MYO1H: variants seen among roughly 807,000 people sequenced by gnomAD.
MYO1H encodes the protein unconventional myosin-Ih.
A neutral mutation model predicts 149.3 loss-of-function variants in MYO1H; 118 were observed. The observed-to-expected ratio is 0.79, with a 90% CI of 0.68 to 0.92. MYO1H has a LOEUF of 0.92. Among genes scored for constraint, MYO1H ranks in the 40% least tolerant of loss-of-function variants. The pLI is 0.00. For missense variants in MYO1H, 1,212 were observed against 1,280.7 expected, an observed-to-expected ratio of 0.95 and a Z score of 0.82; for synonymous variants, 447 against 465.2, an observed-to-expected ratio of 0.96 and a Z score of 0.50.
At chr12:109,399,634 A>G (rs1289737208) in intron 5 of MYO1H, among the ~76,000 whole-genome samples, 1 of 150,090 alleles carries the variant, frequency 6.7e-6, no homozygotes, top group Non-Finnish European at 1.5e-5. Context: ...TCTGAAGGCC[A>G]GGCATGGTGA....
At chr12:109,437,465 C>T (rs1369343947) in intron 22 of MYO1H, among the ~76,000 whole-genome samples, 1 of 152,132 alleles carries the variant, frequency 6.6e-6, no homozygotes, top group African/African-American at 2.4e-5. Flanking sequence ...CATAGTATTC[C>T]ACTATAGCAG....
Position 109,368,697 on chromosome 12 carries a change from T to C in MYO1H, c.13-19986T>C, listed in dbSNP as rs561141743. On this transcript the variant is annotated intron_variant, in intron 1 of 31. Transcript: ENST00000310903. Reference sequence around the variant, plus strand: ...GATAGGAAAAGATGTTAAGGATATATTGGGGTTTTTCCAACTTTTATTTTA... The same window carrying C: ...GATAGGAAAAGATGTTAAGGATATACTGGGGTTTTTCCAACTTTTATTTTA... Among the ~76,000 whole-genome samples, 182 of 149,924 alleles carry C rather than the reference T, an allele frequency of 1.2e-3. 1 individual carries two copies. The highest frequency in any genetic ancestry group is 2.5e-4 in the Non-Finnish European group (17 of 67,774).
At chr12:109,382,272 A>G (rs941393184) in intron 1 of MYO1H, among the ~76,000 whole-genome samples, 8 of 152,300 alleles carry the variant, frequency 5.3e-5, no homozygotes, top group African/African-American at 1.7e-4. Context: ...ACCAGTTTTC[A>G]GGAAATGCAG....
chr12:109,368,338 A>G (rs1226009371), intron 1 of MYO1H, among the ~76,000 whole-genome samples: 6 of 152,274 alleles, frequency 3.9e-5, no homozygotes, highest in Middle Eastern at 3.4e-3. Flanking sequence ...GTAATAAACA[A>G]TGGGACAACT....
intron 26 of MYO1H, 65 bp from the exon 27 acceptor site, chr12:109,442,151 AC>A: frequency 2.2e-6 from 3 of 1,373,142 alleles, no homozygotes; most frequent in Middle Eastern, 1.8e-4. Flanking sequence ...ACTAGCAGAT[AC>A]CAATGACTTT....
At chr12:109,377,530 C>T (rs1234256876) in intron 1 of MYO1H, among the ~76,000 whole-genome samples, 4 of 152,164 alleles carry the variant, frequency 2.6e-5, no homozygotes. Flanking sequence ...CTAGAAGGCC[C>T]CACCTCCAAC....
chr12:109,406,780 T>A lies in MYO1H; in HGVS notation c.964-9T>A. 1 of 1,613,776 alleles carries A rather than the reference T, an allele frequency of 6.2e-7. No homozygotes were observed. The highest frequency in any genetic ancestry group is 8.5e-7 in the Non-Finnish European group (1 of 1,179,662). ...ACTGAATAGCATTCTGGATTTCTTT[T>A]ACATGCAGCTCCTGGGGGTCCACCC... On this transcript the variant is annotated splice_polypyrimidine_tract_variant and intron_variant, in intron 8 of 31. Transcript: ENST00000310903.
intron 9 of MYO1H, 88 bp from the exon 10 acceptor site, chr12:109,407,706 A>ATTT: frequency 1.6e-6 from 2 of 1,256,616 alleles, no homozygotes; most frequent in Non-Finnish European, 2.1e-6. Context: ...TCATTATTTT[A>ATTT]TTTTTTTTTT....
chr12:109,421,894 T>C (rs1486456697), intron 16 of MYO1H, among the ~76,000 whole-genome samples: 4 of 152,174 alleles, frequency 2.6e-5, no homozygotes, highest in Non-Finnish European at 5.9e-5. Context: ...GACGTCATCA[T>C]TGCCCACTGC....
chr12:109,397,781 G>C (rs1477432788), exon 5 of MYO1H: 2 of 1,611,596 alleles, frequency 1.2e-6, no homozygotes, highest in Admixed American at 3.3e-5. Context: ...AGCAGATTTG[G>C]GAAATACATG....
rs111363023 is a variant in MYO1H at position 109,416,500 on chromosome 12, G to A, written c.1597+880G>A. On this transcript the variant is annotated intron_variant, in intron 15 of 31. Coordinates refer to ENST00000310903, the Ensembl canonical transcript of MYO1H. ...ATCCATGCTTTCATTCCTTTTTATT[G>A]CCAAATAATATCCCATGATGTGGAT... Among the ~76,000 whole-genome samples, 14 of 149,326 alleles carry A rather than the reference G, an allele frequency of 9.4e-5. 1 individual carries two copies. Among genetic ancestry groups the A allele is most frequent in the African/African-American group, 3.5e-4 (14 of 40,282 alleles).
the MYO1H span, among the ~76,000 whole-genome samples, chr12:109,316,271 T>C: frequency 6.6e-6 from 1 of 152,186 alleles, no homozygotes; most frequent in Non-Finnish European, 1.5e-5. Flanking sequence ...CAAACAGCTT[T>C]ATCCTGCAAA....
rs750200936 is a variant in MYO1H, at chr12:109,424,764, A to G, written c.1661A>G (p.Lys554Arg). The G allele has an allele frequency of 8.1e-6, 13 of 1,613,810 alleles. No homozygotes were observed. In the African/African-American group the frequency reaches 1.6e-4, roughly 20 times the overall value. ...CACTTACAGGTGCTGTGCAAGTCCAAGAACATTATCCTGAGGGAATGCTTC... is the reference window on the plus strand; with the variant it reads ...CACTTACAGGTGCTGTGCAAGTCCAGGAACATTATCCTGAGGGAATGCTTC... The change falls in exon 17 of 32, where the codon AAG (lysine) becomes AGG (arginine). Residue 554 changes from lysine to arginine, a missense_variant. By Grantham distance (26) the Lys-to-Arg change is conservative. Coordinates refer to ENST00000310903, the Ensembl canonical transcript of MYO1H.
In MYO1H at chr12:109,383,261, C is replaced by T. The variant is rs188001592; in HGVS notation, c.13-5422C>T. Among the ~76,000 whole-genome samples the T allele has an allele frequency of 3.2e-3, 480 of 152,326 alleles. 1 individual carries two copies. Among genetic ancestry groups the T allele is most frequent in the Non-Finnish European group, 4.9e-3 (333 of 68,028 alleles). ...ACAGCTTCAAGGCTTATCATCTACC[C>T]TCTTCTCCCCTTAAAAAATAGCCCT... On this transcript the variant is annotated intron_variant, in intron 1 of 31. Transcript: ENST00000310903.
At chr12:109,311,467 C>T in the MYO1H span, among the ~76,000 whole-genome samples, 1 of 152,156 alleles carries the variant, frequency 6.6e-6, no homozygotes, top group Non-Finnish European at 1.5e-5. Context: ...CTGTTTTTCC[C>T]TTATATAAAT....
chr12:109,445,162 G>A lies in MYO1H; in HGVS notation c.2994-351G>A, dbSNP rs184843508. ...AGAGCACATTTGTAGGTGGAATAAG[G>A]AGAGAGAGTTGAGTGCTTTGAAATG... On this transcript the variant is annotated intron_variant, in intron 30 of 31. Coordinates refer to ENST00000310903, the Ensembl canonical transcript of MYO1H. 2.0e-5 allele frequency among the ~76,000 whole-genome samples: 3 copies of A among 152,338 alleles called. No homozygotes were observed. The East Asian group carries it at 5.8e-4, about 29-fold the overall frequency.
At chr12:109,325,820 G>A in the MYO1H span, among the ~76,000 whole-genome samples, 1 of 152,148 alleles carries the variant, frequency 6.6e-6, no homozygotes, top group Non-Finnish European at 1.5e-5. Flanking sequence ...ATGAAAAATA[G>A]CTCATCATCA....
chr12:109,433,128 C>A (rs770994959), intron 20 of MYO1H, 118 bp downstream of exon 20: 1 of 803,318 alleles, frequency 1.2e-6, no homozygotes. Flanking sequence ...TGGAGATTTG[C>A]GAGATTTATG....
At chr12:109,356,088 A>G (rs1868590986) in intron 1 of MYO1H, among the ~76,000 whole-genome samples, 1 of 152,084 alleles carries the variant, frequency 6.6e-6, no homozygotes, top group East Asian at 1.9e-4. Flanking sequence ...TATTATTTAA[A>G]CACCCCTTTT....
Sources: gnomAD v4.1 joint callset for allele counts (sites outside exome capture counted in the v4.1 genomes callset) on GRCh38, gnomAD v4.1.1 for gene constraint, MANE v1.5 for transcripts, NCBI Gene and HGNC (gene_info 2026-07-23, HGNC 2026-07-21) for gene names.